MAPK14: variants seen among roughly 807,000 people sequenced by gnomAD.
MAPK14 encodes CSAID-binding protein.
Under a neutral mutation model 49.6 loss-of-function variants are expected in MAPK14, and 16 were observed. The observed-to-expected ratio is 0.32, with a 90% CI of 0.22 to 0.49. The LOEUF is 0.49. MAPK14 is among the 20% of genes least tolerant of loss of function. MAPK14 has a pLI of 0.99. For missense variants in MAPK14, 200 were observed against 441.2 expected, an observed-to-expected ratio of 0.45 and a Z score of 4.90; for synonymous variants, 142 against 158.0, an observed-to-expected ratio of 0.90 and a Z score of 0.76.
rs1765440304 is a variant in MAPK14 at position 36,096,210 on chromosome 6, TGTGA to T, written c.762+148_762+151del. Reference sequence around the variant, plus strand: ...CCCGGATGAGTGAGGTATAAGACAGTGTGAGTGTGTGTGTGCGTGCACGCATGTG... The same window carrying T: ...CCCGGATGAGTGAGGTATAAGACAGTGTGTGTGTGTGCGTGCACGCATGTG... On this transcript the variant is annotated intron_variant, in intron 9 of 11. Coordinates refer to ENST00000229794, the MANE Select transcript of MAPK14 (RefSeq NM_139012.3). The T allele has an allele frequency of 2.5e-5, 15 of 609,274 alleles. No individual in the cohort carries two copies. The South Asian group carries it at 2.8e-4, about 11-fold the overall frequency. The allele number at this position is 609,274 out of a possible 1,614,324, so 37.7% of individuals were successfully genotyped here. A position where few individuals can be genotyped will look rare whatever the true frequency, so the allele number is the denominator to read the frequency against.
rs140780397 is a variant in MAPK14, at chr6:36,037,333, A to T, written c.116+9060A>T. On this transcript the variant is annotated intron_variant, in intron 1 of 11. Coordinates refer to ENST00000229794, the MANE Select transcript of MAPK14 (RefSeq NM_139012.3). ...TAATAATTTATTATAGGGAAGAAGAAGTGGTGGTTTGTAAATTCTGTACTT... is the reference window on the plus strand; with the variant it reads ...TAATAATTTATTATAGGGAAGAAGATGTGGTGGTTTGTAAATTCTGTACTT... 1.0e-3 allele frequency among the ~76,000 whole-genome samples: 157 copies of T among 152,272 alleles called. 1 individual carries two copies. The highest frequency in any genetic ancestry group is 3.6e-3 in the African/African-American group (150 of 41,550).
Position 36,028,095 on chromosome 6 carries a change from G to A in MAPK14, c.-63G>A. On this transcript the variant is annotated 5_prime_UTR_variant, in exon 1 of 12. Coordinates refer to ENST00000229794, the MANE Select transcript of MAPK14 (RefSeq NM_139012.3). The surrounding 1 kb of genome is among the most constrained non-coding windows in gnomAD (Gnocchi z 5.1). ...GGGCGGGCAGCAAGGGCCGGGGAGA[G>A]GGTGCGGGTGCAGGCGGGGGCCCCA... The A allele has an allele frequency of 8.9e-7, 1 of 1,121,380 alleles. No individual in the cohort carries two copies. Among genetic ancestry groups the A allele is most frequent in the Non-Finnish European group, 1.3e-6 (1 of 743,442 alleles). 69.5% of individuals were successfully genotyped at this position (1,121,380 alleles called of 1,614,324 possible).
At chr6:36,090,855 T>C (rs1035145642) in intron 8 of MAPK14, among the ~76,000 whole-genome samples, 1 of 152,230 alleles carries the variant, frequency 6.6e-6, no homozygotes, top group Non-Finnish European at 1.5e-5. Flanking sequence ...CCTCTCTAAC[T>C]TGAAAATACA....
the MAPK14 span, among the ~76,000 whole-genome samples, chr6:36,117,541 A>G: frequency 6.6e-6 from 1 of 152,176 alleles, no homozygotes; most frequent in African/African-American, 2.4e-5. Context: ...TGGAATGATC[A>G]TTGGTGGCAC....
downstream of MAPK14, chr6:36,111,324 T>A (rs1166516808): frequency 6.6e-6 from 1 of 152,216 alleles, no homozygotes; most frequent in Non-Finnish European, 1.5e-5. Flanking sequence ...CTATAGGACC[T>A]CCAAAATGTC....
At chr6:36,093,178 A>G (rs1471885182) in intron 8 of MAPK14, among the ~76,000 whole-genome samples, 1 of 152,148 alleles carries the variant, frequency 6.6e-6, no homozygotes, top group Non-Finnish European at 1.5e-5. Context: ...GGAATATCTG[A>G]TGTGAGTTGA....
chr6:36,096,053 TCTC>T lies in MAPK14; in HGVS notation c.753_755del (p.Ser252del). 1 of 1,612,868 alleles carries T rather than the reference TCTC, an allele frequency of 6.2e-7. No individual in the cohort carries two copies. Among genetic ancestry groups the T allele is most frequent in the Non-Finnish European group, 8.5e-7 (1 of 1,178,852 alleles). ...CCAGGGGCTGAGCTTTTGAAGAAAATCTCCTCAGAGTCTGTGAGTTGATGCTTT... is the reference window on the plus strand; with the variant it reads ...CCAGGGGCTGAGCTTTTGAAGAAAATCTCAGAGTCTGTGAGTTGATGCTTT... On this transcript the variant is annotated inframe_deletion, in exon 9 of 12. Transcript: ENST00000229794.
chr6:36,051,667 A>T (rs530523877), intron 1 of MAPK14, among the ~76,000 whole-genome samples: 1 of 152,250 alleles, frequency 6.6e-6, no homozygotes, highest in South Asian at 2.1e-4. Context: ...TAAGCTCTGG[A>T]TCCAGACTCC....
chr6:36,065,861 A>G (rs1764034464), intron 3 of MAPK14, among the ~76,000 whole-genome samples: 1 of 152,178 alleles, frequency 6.6e-6, no homozygotes, highest in Non-Finnish European at 1.5e-5. Flanking sequence ...GGATGAGCAT[A>G]CTAGTTGAAA....
intron 1 of MAPK14, among the ~76,000 whole-genome samples, chr6:36,034,940 C>T (rs1395751063): frequency 1.3e-5 from 2 of 149,066 alleles, no homozygotes; most frequent in Non-Finnish European, 3.0e-5. Context: ...GCTCTGTCGC[C>T]CAGACTGGAG....
At chr6:36,060,866 T>C (rs73407871) in intron 3 of MAPK14, among the ~76,000 whole-genome samples, 21,795 of 152,162 alleles carry the variant, frequency 0.14, 1,946 homozygotes, top group African/African-American at 0.26. Flanking sequence ...TTGGTCCACC[T>C]ACAAGATCTC....
At chr6:36,082,008 G>A (rs1764785948) in intron 8 of MAPK14, among the ~76,000 whole-genome samples, 1 of 151,664 alleles carries the variant, frequency 6.6e-6, no homozygotes, top group Non-Finnish European at 1.5e-5. Flanking sequence ...GATTATAGAT[G>A]GAAATTCTTT....
chr6:36,064,466 TC>T (rs138279716), intron 3 of MAPK14, among the ~76,000 whole-genome samples: 2,644 of 152,280 alleles, frequency 0.017, 74 homozygotes, highest in African/African-American at 0.06. Context: ...TATACTGAAT[TC>T]CTTATCTCTG....
At position 36,028,425 on chromosome 6, in the gene MAPK14, C is replaced by T; in HGVS notation, c.116+152C>T. ...CCCTTCGAGCTCTGCCCGTTCTGCA[C>T]CTCCAGCACCCCTCGCCCTGCACTC... On this transcript the variant is annotated intron_variant, in intron 1 of 11. Transcript: ENST00000229794. The surrounding 1 kb of genome is among the most constrained non-coding windows in gnomAD (Gnocchi z 5.1). 1 of 609,860 alleles carries T rather than the reference C, an allele frequency of 1.6e-6. No individual in the cohort carries two copies. The highest frequency in any genetic ancestry group is 2.9e-6 in the Non-Finnish European group (1 of 340,032). 37.8% of individuals were successfully genotyped at this position (609,860 alleles called of 1,614,324 possible).
intron 1 of MAPK14, among the ~76,000 whole-genome samples, chr6:36,032,232 A>G (rs528365304): frequency 6.6e-6 from 1 of 152,206 alleles, no homozygotes; most frequent in African/African-American, 2.4e-5. Context: ...AGCCTATATT[A>G]TTTTAATTTA....
At chr6:36,032,973 A>G (rs1357886503) in intron 1 of MAPK14, among the ~76,000 whole-genome samples, 1 of 122,662 alleles carries the variant, frequency 8.2e-6, no homozygotes, top group African/African-American at 3.0e-5. Flanking sequence ...GCCATTCACC[A>G]TTTTAAATCT....
At chr6:36,076,722 C>G in intron 8 of MAPK14, 114 bp downstream of exon 8, 2 of 650,438 alleles carry the variant, frequency 3.1e-6, no homozygotes, top group Non-Finnish European at 5.1e-6. Flanking sequence ...CTTTTATAGT[C>G]TAGATAATGC....
chr6:36,102,792 C>T, intron 10 of MAPK14, 143 bp downstream of exon 10: 1 of 1,433,838 alleles, frequency 7.0e-7, no homozygotes, highest in Non-Finnish European at 9.3e-7. Flanking sequence ...CTTTTATTAT[C>T]TATTTGTGTT....
downstream of MAPK14, among the ~76,000 whole-genome samples, chr6:36,112,835 G>A (rs1480896935): frequency 6.6e-6 from 1 of 152,176 alleles, no homozygotes; most frequent in Non-Finnish European, 1.5e-5. Flanking sequence ...TTGCAATTAA[G>A]TTGCATTCTA....
Sources: gnomAD v4.1 joint callset for allele counts (sites outside exome capture counted in the v4.1 genomes callset) on GRCh38, gnomAD v4.1.1 for gene constraint, Gnocchi (gnomAD v3.1) non-coding constraint, MANE v1.5 for transcripts, NCBI Gene and HGNC (gene_info 2026-07-23, HGNC 2026-07-21) for gene names.